The following PRSS12 variants were observed in gnomAD, a reference collection of about 807,000 sequenced individuals.
PRSS12 encodes the protein serine protease 12.
PRSS12 carries 85 observed loss-of-function variants against 104.4 expected under a neutral mutation model. The ratio of observed to expected loss-of-function variants is 0.81; its 90% CI spans 0.68 to 0.98. The LOEUF (loss-of-function observed/expected upper bound fraction) is 0.98. Among genes scored for constraint, PRSS12 ranks in the 50% least tolerant of loss-of-function variants. The pLI is 0.00. For missense variants in PRSS12, 1,141 were observed against 1,139.2 expected (o/e 1.00, Z -0.02); for synonymous variants, 454 against 425.2 (o/e 1.07, Z -0.83).
chr4:118,290,388 C>T (rs1300582752), intron 11 of PRSS12, among the ~76,000 whole-genome samples: 3 of 152,082 alleles, frequency 2.0e-5, no homozygotes, highest in Non-Finnish European at 2.9e-5. Context: ...TCTTGAATAA[C>T]AGGAAGATAA....
At chr4:118,330,587 T>G (rs2126040058) in intron 4 of PRSS12, among the ~76,000 whole-genome samples, 1 of 152,264 alleles carries the variant, frequency 6.6e-6, no homozygotes, top group Non-Finnish European at 1.5e-5. Flanking sequence ...CAGATTGGTC[T>G]TGGACTAAAT....
intron 8 of PRSS12, among the ~76,000 whole-genome samples, chr4:118,300,477 C>T (rs1185056088): frequency 6.6e-6 from 1 of 151,998 alleles, no homozygotes. Context: ...ATATTTAGAA[C>T]TCAATTTCTG....
chr4:118,351,313 C>T (rs1278171261), intron 1 of PRSS12, among the ~76,000 whole-genome samples: 1 of 151,722 alleles, frequency 6.6e-6, no homozygotes, highest in East Asian at 1.9e-4. Context: ...GAAATTCAAA[C>T]TTTGAGGATA....
rs1002295926 is a variant in PRSS12, at chr4:118,280,389, A to G, written c.*1547T>C. 1 of 152,274 alleles carries G rather than the reference A, an allele frequency of 6.6e-6. No homozygotes were observed. Among genetic ancestry groups the G allele is most frequent in the Non-Finnish European group, 1.5e-5 (1 of 68,056 alleles). 9.4% of individuals were successfully genotyped at this position (152,274 alleles called of 1,614,324 possible). A position where few individuals can be genotyped will look rare whatever the true frequency, so the allele number is the denominator to read the frequency against. On this transcript the variant is annotated 3_prime_UTR_variant, in exon 13 of 13. Coordinates refer to ENST00000296498, the MANE Select transcript of PRSS12 (RefSeq NM_003619.4). Reference sequence around the variant, plus strand: ...GCTACTTTAAAAGTTTATCAAAATCATGAGTTTTTACAAAAGTTTTTAATG... The same window carrying G: ...GCTACTTTAAAAGTTTATCAAAATCGTGAGTTTTTACAAAAGTTTTTAATG...
In PRSS12 at chr4:118,341,528, C is replaced by T. The variant is rs573599287; in HGVS notation, c.503-3214G>A. On this transcript the variant is annotated intron_variant, in intron 1 of 12. Coordinates refer to ENST00000296498, the MANE Select transcript of PRSS12 (RefSeq NM_003619.4). ...AGAAACCCCGTCTCTACTAAAAATA[C>T]AAAATTGGCCAGGCATGGTAGCACA... Among the ~76,000 whole-genome samples, 7 of 152,040 alleles carry T rather than the reference C, an allele frequency of 4.6e-5. No individual in the cohort carries two copies. In the East Asian group the frequency reaches 1.4e-3, roughly 29 times the overall value.
intron 4 of PRSS12, among the ~76,000 whole-genome samples, chr4:118,318,828 T>C (rs1229303868): frequency 6.6e-6 from 1 of 152,214 alleles, no homozygotes; most frequent in Non-Finnish European, 1.5e-5. Context: ...AGGAGGACAA[T>C]GGCTATCCAA....
chr4:118,352,189 A>G (rs1216168791), intron 1 of PRSS12, 30 bp downstream of exon 1: 4 of 1,609,572 alleles, frequency 2.5e-6, no homozygotes, highest in African/African-American at 1.3e-5. Context: ...GCCCGTCCGG[A>G]GTTTCCGCGG....
intron 3 of PRSS12, among the ~76,000 whole-genome samples, chr4:118,334,558 T>C (rs1382964884): frequency 1.3e-5 from 2 of 151,194 alleles, no homozygotes; most frequent in Non-Finnish European, 3.0e-5. Context: ...CCTCTCCCAG[T>C]CAAAAAAAAA....
chr4:118,296,079 G>A (rs1743248719), intron 9 of PRSS12, among the ~76,000 whole-genome samples: 1 of 152,192 alleles, frequency 6.6e-6, no homozygotes, highest in Admixed American at 6.5e-5. Flanking sequence ...TCACCTCTGA[G>A]GGGTTCATGG....
intron 8 of PRSS12, among the ~76,000 whole-genome samples, chr4:118,299,958 G>C (rs1329833431): frequency 2.0e-5 from 3 of 148,302 alleles, no homozygotes; most frequent in African/African-American, 7.3e-5. Flanking sequence ...TCCAGCCTGG[G>C]TGACAAGGCG....
In PRSS12 at chr4:118,298,953, T is replaced by C. The variant is rs1315801827; in HGVS notation, c.1632-15A>G. ...TGGCAGGACCCCTGAAGACAGAACATTCTTAATCATGTGAAGAATCAGTCA... is the reference window on the plus strand; with the variant it reads ...TGGCAGGACCCCTGAAGACAGAACACTCTTAATCATGTGAAGAATCAGTCA... On this transcript the variant is annotated splice_polypyrimidine_tract_variant and intron_variant, in intron 8 of 12. Transcript: ENST00000296498. 1.9e-6 allele frequency: 3 copies of C among 1,613,056 alleles called. No individual in the cohort carries two copies. The highest frequency in any genetic ancestry group is 8.5e-7 in the Non-Finnish European group (1 of 1,179,206).
chr4:118,282,720 T>G, intron 12 of PRSS12, 111 bp downstream of exon 12: 2 of 1,484,752 alleles, frequency 1.3e-6, no homozygotes, highest in South Asian at 2.3e-5. Flanking sequence ...TAAGCAAAAT[T>G]TCTCCAAATA....
At chr4:118,294,849 C>G in intron 11 of PRSS12, 90 bp downstream of exon 11, 1 of 1,560,738 alleles carries the variant, frequency 6.4e-7, no homozygotes, top group Non-Finnish European at 8.8e-7. Flanking sequence ...TAGCCTGGCT[C>G]TGACACCTTG....
At chr4:118,303,708 G>C (rs1743459856) in intron 8 of PRSS12, 1 of 152,024 alleles carries the variant, frequency 6.6e-6, no homozygotes, top group South Asian at 2.1e-4. Flanking sequence ...GGCTGTAAGT[G>C]AATCAATTTT....
chr4:118,319,124 A>T (rs918514461), intron 4 of PRSS12, among the ~76,000 whole-genome samples: 3 of 152,104 alleles, frequency 2.0e-5, no homozygotes, highest in Non-Finnish European at 2.9e-5. Flanking sequence ...GTGTGGCATG[A>T]CCATAGCTTA....
intron 4 of PRSS12, among the ~76,000 whole-genome samples, chr4:118,323,953 C>A (rs1474918902): frequency 3.3e-5 from 5 of 151,894 alleles, no homozygotes; most frequent in Non-Finnish European, 7.4e-5. Flanking sequence ...AGGCTGGATT[C>A]CAGTGGGACA....
chr4:118,326,552 T>C (rs1723776332), intron 4 of PRSS12, among the ~76,000 whole-genome samples: 1 of 152,250 alleles, frequency 6.6e-6, no homozygotes, highest in Non-Finnish European at 1.5e-5. Context: ...TGTCAATTGA[T>C]GGCTGATGGC....
intron 8 of PRSS12, among the ~76,000 whole-genome samples, chr4:118,299,712 T>TAAAATAAAATA (rs1182586335): frequency 1.1e-4 from 7 of 63,812 alleles, no homozygotes; most frequent in East Asian, 4.5e-4. Context: ...ATAAATAAAA[T>TAAAATAAAATA]AAATAAAATA....
intron 2 of PRSS12, among the ~76,000 whole-genome samples, chr4:118,336,385 C>T (rs1205841075): frequency 1.4e-5 from 1 of 69,336 alleles, no homozygotes; most frequent in Non-Finnish European, 4.1e-5. Context: ...TGTGTACAAA[C>T]TGGCATTAAA....
Sources: gnomAD v4.1 joint callset for allele counts (sites outside exome capture counted in the v4.1 genomes callset) on GRCh38, gnomAD v4.1.1 for gene constraint, MANE v1.5 for transcripts, NCBI Gene and HGNC (gene_info 2026-07-23, HGNC 2026-07-21) for gene names.